SNAP47: variants seen among roughly 807,000 people sequenced by gnomAD.
SNAP47 encodes synaptosomal-associated protein 47.
In SNAP47, 20 loss-of-function variants were observed where a neutral mutation model predicts 31.4. The observed-to-expected ratio is 0.64, with a 90% CI of 0.45 to 0.93. SNAP47 has a LOEUF of 0.93. SNAP47 is among the 40% of genes least tolerant of loss of function. The probability of loss-of-function intolerance (pLI) is 0.00; values close to 1 mark genes in which losing one functional copy is unlikely to be tolerated. For synonymous variants in SNAP47, 194 were observed against 213.4 expected, an observed-to-expected ratio of 0.91 and a Z score of 0.79; for missense variants, 492 against 528.5, an observed-to-expected ratio of 0.93 and a Z score of 0.68.
At chr1:227,735,719 C>G (rs897360158) in intron 1 of SNAP47, 48 of 983,676 alleles carry the variant, frequency 4.9e-5, no homozygotes, top group Admixed American at 6.1e-5. Flanking sequence ...ATGATGGGAC[C>G]CGGAGAGAAC....
intron 3 of SNAP47, among the ~76,000 whole-genome samples, chr1:227,766,661 T>C (rs1663422304): frequency 6.6e-6 from 1 of 152,246 alleles, no homozygotes; most frequent in Non-Finnish European, 1.5e-5. Flanking sequence ...ATGATTCTTG[T>C]GTTTTTTACT....
At chr1:227,768,441 A>G in intron 4 of SNAP47, 1 of 470,262 alleles carries the variant, frequency 2.1e-6, no homozygotes, top group Non-Finnish European at 2.8e-6. Context: ...CATGTCCACC[A>G]GGAGGTGGAT....
chr1:227,760,147 C>T (rs958910990), intron 3 of SNAP47, among the ~76,000 whole-genome samples: 3 of 152,180 alleles, frequency 2.0e-5, no homozygotes, highest in Non-Finnish European at 4.4e-5. Context: ...GAACCTGCTA[C>T]GACACAGAAA....
intron 4 of SNAP47, chr1:227,776,408 G>A (rs749245486): frequency 2.0e-6 from 2 of 986,492 alleles, no homozygotes; most frequent in Non-Finnish European, 2.4e-6. Flanking sequence ...AGGAAGGCTG[G>A]TTCCTGGATT....
At chr1:227,743,292 C>T (rs1028169421) in intron 1 of SNAP47, among the ~76,000 whole-genome samples, 1 of 152,152 alleles carries the variant, frequency 6.6e-6, no homozygotes, top group African/African-American at 2.4e-5. Context: ...GTCAGGCCCT[C>T]CCCAGAAGAG....
At chr1:227,777,687 A>G (rs1009999289) in intron 4 of SNAP47, among the ~76,000 whole-genome samples, 3 of 152,196 alleles carry the variant, frequency 2.0e-5, no homozygotes, top group Non-Finnish European at 4.4e-5. Flanking sequence ...ACCTTTGAAC[A>G]TCTGGGTCAG....
chr1:227,733,519 G>C (rs538931497), upstream of SNAP47: 2 of 1,602,388 alleles, frequency 1.2e-6, no homozygotes, highest in African/African-American at 1.3e-5. Flanking sequence ...GTGGGTGCAG[G>C]TGTGTGTCGC....
intron 1 of SNAP47, among the ~76,000 whole-genome samples, chr1:227,737,527 G>A (rs984865802): frequency 1.3e-5 from 2 of 152,212 alleles, no homozygotes; most frequent in Admixed American, 6.5e-5. Context: ...CATCCTAAGC[G>A]GGAGAGGGGC....
intron 2 of SNAP47, among the ~76,000 whole-genome samples, chr1:227,751,190 G>A (rs956486949): frequency 1.3e-5 from 2 of 152,080 alleles, no homozygotes; most frequent in African/African-American, 4.8e-5. Flanking sequence ...GCCCTGTGTC[G>A]CCCACTCTCC....
chr1:227,745,254 A>C (rs1348441564), intron 1 of SNAP47, among the ~76,000 whole-genome samples: 1 of 152,222 alleles, frequency 6.6e-6, no homozygotes, highest in Non-Finnish European at 1.5e-5. Context: ...GCAAAATCAC[A>C]AGTGCACCCA....
intron 4 of SNAP47, among the ~76,000 whole-genome samples, chr1:227,777,581 G>A (rs1415645149): frequency 6.6e-6 from 1 of 152,194 alleles, no homozygotes; most frequent in African/African-American, 2.4e-5. Flanking sequence ...AGAATATGAT[G>A]TATGTTTAAT....
At chr1:227,729,166 T>C (rs1660484376) in intron 1 of SNAP47, among the ~76,000 whole-genome samples, 1 of 152,180 alleles carries the variant, frequency 6.6e-6, no homozygotes, top group Admixed American at 6.5e-5. Flanking sequence ...GCTGTTTTCC[T>C]GTAGGTCAGA....
At chr1:227,737,931 T>C (rs1049316132) in intron 1 of SNAP47, among the ~76,000 whole-genome samples, 1 of 152,214 alleles carries the variant, frequency 6.6e-6, no homozygotes, top group Non-Finnish European at 1.5e-5. Context: ...AATCAGAATG[T>C]CTGGAGAAGT....
chr1:227,735,217 A>C (rs2295994), upstream of SNAP47: 649,299 of 1,588,250 alleles, frequency 0.41, 133,409 homozygotes, highest in African/African-American at 0.44. Context: ...CGCCGGGGAC[A>C]TCGACCCCCA....
chr1:227,759,788 T>C, intron 3 of SNAP47: 1 of 409,024 alleles, frequency 2.4e-6, no homozygotes, highest in Non-Finnish European at 4.4e-6. Context: ...TGTGGAAATT[T>C]GGTCGCCAGT....
At chr1:227,732,737 C>T (rs1431013882), upstream of SNAP47, 3 of 1,597,148 alleles carry the variant, frequency 1.9e-6, no homozygotes, top group African/African-American at 4.0e-5. Flanking sequence ...CTGCAAAGGA[C>T]CCGACATGCG....
intron 4 of SNAP47, chr1:227,775,707 T>C (rs1664118522): frequency 7.9e-7 from 1 of 1,270,474 alleles, no homozygotes; most frequent in Admixed American, 2.3e-5. Context: ...TTCATTAGGC[T>C]ATTTTTCTAT....
chr1:227,734,481 A>G, upstream of SNAP47: 1 of 590,014 alleles, frequency 1.7e-6, no homozygotes, highest in Non-Finnish European at 2.9e-6. Context: ...CCCAAAGAAC[A>G]ACACTTGCAG....
At chr1:227,778,527 C>T (rs995078416) in intron 4 of SNAP47, among the ~76,000 whole-genome samples, 1 of 152,212 alleles carries the variant, frequency 6.6e-6, no homozygotes, top group Non-Finnish European at 1.5e-5. Context: ...GAGGCCTCCT[C>T]ACAGGATGTG....
Sources: allele counts gnomAD v4.1 joint callset (sites outside exome capture counted in the v4.1 genomes callset), GRCh38; gene constraint gnomAD v4.1.1; transcripts MANE v1.5; gene names NCBI Gene and HGNC (gene_info 2026-07-23, HGNC 2026-07-21).